LAMA4: variants seen among roughly 807,000 people sequenced by gnomAD.
LAMA4 encodes laminin subunit alpha-4.
Under a neutral mutation model 207.1 loss-of-function variants are expected in LAMA4, and 127 were observed. The ratio of observed to expected loss-of-function variants is 0.61; its 90% CI spans 0.53 to 0.71. The LOEUF (loss-of-function observed/expected upper bound fraction) is 0.71. Ranked by LOEUF, LAMA4 falls within the 30% of genes least tolerant of loss-of-function variation. The pLI, the probability that LAMA4 is intolerant of heterozygous loss-of-function variation, is 0.00. For missense variants in LAMA4, 2,093 were observed against 2,246.5 expected, an observed-to-expected ratio of 0.93 and a Z score of 1.38; for synonymous variants, 761 against 816.0, an observed-to-expected ratio of 0.93 and a Z score of 1.15.
At chr6:112,120,223 A>G in intron 33 of LAMA4, 60 bp downstream of exon 33, 1 of 1,334,478 alleles carries the variant, frequency 7.5e-7, no homozygotes, top group Non-Finnish European at 1.1e-6. Context: ...GAGGCCCATT[A>G]GTGTCCATTT....
intron 18 of LAMA4, among the ~76,000 whole-genome samples, chr6:112,145,788 A>G (rs1209583302): frequency 1.3e-5 from 2 of 152,170 alleles, no homozygotes; most frequent in Non-Finnish European, 2.9e-5. Flanking sequence ...TAAAAATTGT[A>G]TCTAGAGCAG....
In LAMA4 at chr6:112,254,030, C is replaced by A. The variant is rs1554190487; in HGVS notation, c.121G>T (p.Ala41Ser). Residue 41 changes from alanine to serine, a missense_variant, in exon 2 of 39, where the codon GCG (alanine) becomes TCG (serine). Physicochemically the swap from Ala to Ser is moderately conservative, Grantham distance 99. Around this residue, in one of 3 missense-constraint regions of LAMA4, gnomAD observed 1,704 missense variants for 1,788.4 expected, o/e 0.95. Coordinates refer to ENST00000230538, the MANE Select transcript of LAMA4 (RefSeq NM_001105206.3). The stretch of plus-strand genomic sequence containing the variant: ...TCAGGCGGGTCTTGCCTGCCAACCG[C>A]TGAGCTCCCTTCAATGTCAAAAGGA... ...AFPFDIEGSS[A>S]VGRQDPPETS... The A allele has an allele frequency of 6.3e-7, 1 of 1,594,870 alleles. No homozygotes were observed.
chr6:112,151,343 T>G (rs1284698053), intron 16 of LAMA4, among the ~76,000 whole-genome samples: 1 of 152,188 alleles, frequency 6.6e-6, no homozygotes, highest in Non-Finnish European at 1.5e-5. Context: ...CTTCCAGCTT[T>G]GTTTTTATTC....
intron 17 of LAMA4, among the ~76,000 whole-genome samples, chr6:112,150,220 C>CAG (rs1462137140): frequency 6.7e-6 from 1 of 149,346 alleles, no homozygotes; most frequent in African/African-American, 2.6e-5. Context: ...CACACACACA[C>CAG]ACACACACAC....
chr6:112,251,681 G>A (rs1787467054), intron 2 of LAMA4: 1 of 152,232 alleles, frequency 6.6e-6, no homozygotes, highest in African/African-American at 2.4e-5. Context: ...TCTGGTTACT[G>A]CTATAAAGAG....
rs1445933351 is a variant in LAMA4, at chr6:112,190,923, CTTT to C, written c.718+710_718+712del. 5.4e-3 allele frequency among the ~76,000 whole-genome samples: 523 copies of C among 97,112 alleles called. 2 individuals carry two copies. Among genetic ancestry groups the C allele is most frequent in the African/African-American group, 9.0e-3 (217 of 24,180 alleles). The allele number at this position is 97,112 out of a possible 152,430, so 63.7% of individuals were successfully genotyped here. ...TCTTTCTTTCTTTCTTTCTTTCTTT[CTTT>C]CTTTCTTTCTTTCTTTCTTTCCTTT... is the stretch of plus-strand genomic sequence containing the variant. On this transcript the variant is annotated intron_variant, in intron 6 of 38. Transcript: ENST00000230538.
chr6:112,190,955 T>C (rs1252257865), intron 6 of LAMA4, among the ~76,000 whole-genome samples: 9 of 122,578 alleles, frequency 7.3e-5, no homozygotes, highest in South Asian at 3.0e-4. Context: ...TTCCTTTCTT[T>C]CTTTCTTTCT....
At chr6:112,193,065 TAGTGTGGA>T (rs1783211012) in intron 5 of LAMA4, among the ~76,000 whole-genome samples, 1 of 152,198 alleles carries the variant, frequency 6.6e-6, no homozygotes, top group Non-Finnish European at 1.5e-5. Context: ...GACTCTAAAC[TAGTGTGGA>T]AGATGGGCCA....
At chr6:112,224,813 CAAA>C (rs782785024) in intron 2 of LAMA4, among the ~76,000 whole-genome samples, 2 of 67,996 alleles carry the variant, frequency 2.9e-5, no homozygotes, top group Admixed American at 1.5e-4. Flanking sequence ...AAGACTGTCT[CAAA>C]AAAAAAAAAA....
chr6:112,168,708 G>A (rs1459185673), intron 12 of LAMA4, among the ~76,000 whole-genome samples: 1 of 152,070 alleles, frequency 6.6e-6, no homozygotes, highest in Non-Finnish European at 1.5e-5. Flanking sequence ...ATGCGAACAA[G>A]TGCACATTTT....
chr6:112,142,063 GA>G (rs2114707201), intron 20 of LAMA4, 55 bp downstream of exon 20: 1 of 1,596,338 alleles, frequency 6.3e-7, no homozygotes, highest in African/African-American at 1.3e-5. Flanking sequence ...TTAGGCAAGA[GA>G]AAAAGCAGCT....
At chr6:112,124,298 T>A (rs1001959203) in intron 31 of LAMA4, among the ~76,000 whole-genome samples, 2 of 152,148 alleles carry the variant, frequency 1.3e-5, no homozygotes, top group South Asian at 4.1e-4. Context: ...AAGCACAGGG[T>A]TATTTGAAAC....
At chr6:112,147,746 A>G (rs1288989909) in intron 18 of LAMA4, among the ~76,000 whole-genome samples, 1 of 152,222 alleles carries the variant, frequency 6.6e-6, no homozygotes, top group Admixed American at 6.5e-5. Flanking sequence ...ACTCAGATAA[A>G]GAAAAAGCAA....
At chr6:112,170,334 G>A (rs1009211823) in intron 12 of LAMA4, among the ~76,000 whole-genome samples, 1 of 152,190 alleles carries the variant, frequency 6.6e-6, no homozygotes, top group East Asian at 1.9e-4. Context: ...GTCTGGGTTG[G>A]CAGGTCCACT....
chr6:112,159,866 A>G (rs1247703533), intron 13 of LAMA4, among the ~76,000 whole-genome samples: 1 of 152,102 alleles, frequency 6.6e-6, no homozygotes, highest in Non-Finnish European at 1.5e-5. Flanking sequence ...GGCTCTGCTC[A>G]ACTCCACCCT....
rs1416230755 is a variant in LAMA4 at position 112,191,757 on chromosome 6, A to C, written c.597T>G (p.Phe199Leu). Residue 199 changes from phenylalanine to leucine, a missense_variant, in exon 6 of 39, where the codon TTT becomes TTG. This residue lies in a region of LAMA4 where 1,704 missense variants were observed against 1,788.4 expected (regional missense o/e 0.95). Transcript: ENST00000230538. ...GGCCAGTGACTTCATCACAATCTTC[A>C]AAGATCAGGTTGGGATCTGAATTTC... ...CSGNSDPNLI[F>L]EDCDEVTGQC... 1 of 1,614,116 alleles carries C rather than the reference A, an allele frequency of 6.2e-7. No individual in the cohort carries two copies. Among genetic ancestry groups the C allele is most frequent in the Non-Finnish European group, 8.5e-7 (1 of 1,179,958 alleles).
At position 112,190,869 on chromosome 6, in the gene LAMA4, CTT is replaced by C. The variant is rs782401108; in HGVS notation, c.718+765_718+766del. Among the ~76,000 whole-genome samples the C allele has an allele frequency of 1.4e-5, 2 of 147,450 alleles. 1 individual carries two copies. The highest frequency in any genetic ancestry group is 6.5e-3 in the Middle Eastern group (2 of 310). On this transcript the variant is annotated intron_variant, in intron 6 of 38. Transcript: ENST00000230538. The stretch of plus-strand genomic sequence containing the variant: ...AACTGATTTGAACCATGCAAGGTTT[CTT>C]TTTCTTTCTTTCTTTCTTTCTTTCT...
chr6:112,152,269 T>C (rs1780446811), intron 16 of LAMA4, among the ~76,000 whole-genome samples: 1 of 152,162 alleles, frequency 6.6e-6, no homozygotes. Flanking sequence ...GGGGCAGCCA[T>C]CTGAGCCTTG....
Position 112,109,207 on chromosome 6 carries a change from A to G in LAMA4, c.*230T>C. 1.8e-6 allele frequency: 1 copy of G among 567,652 alleles called. No individual in the cohort carries two copies. The highest frequency in any genetic ancestry group is 3.0e-5 in the Admixed American group (1 of 33,578). 35.2% of individuals were successfully genotyped at this position (567,652 alleles called of 1,614,324 possible). ...TAGGAATTGCGTGTGCTCTCAATACAAGTAAGTTTGCCACTCCTTCAATTG... is the reference window on the plus strand; with the variant it reads ...TAGGAATTGCGTGTGCTCTCAATACGAGTAAGTTTGCCACTCCTTCAATTG... On this transcript the variant is annotated 3_prime_UTR_variant, in exon 39 of 39. Transcript: ENST00000230538.
Sources: allele counts gnomAD v4.1 joint callset (sites outside exome capture counted in the v4.1 genomes callset), GRCh38; gene constraint gnomAD v4.1.1; regional missense constraint gnomAD v4.1.1; transcripts MANE v1.5; gene names NCBI Gene and HGNC (gene_info 2026-07-23, HGNC 2026-07-21).